BTRC: variants seen among roughly 807,000 people sequenced by gnomAD.
The protein encoded by BTRC is beta-transducin repeat containing E3 ubiquitin protein ligase.
A neutral mutation model predicts 85.5 loss-of-function variants in BTRC; 42 were observed. The ratio of observed to expected loss-of-function variants is 0.49; its 90% CI spans 0.38 to 0.64. The LOEUF (loss-of-function observed/expected upper bound fraction) is 0.64, where lower values mean the gene tolerates loss of function less well. BTRC is among the 30% of genes least tolerant of loss of function. The pLI, the probability that BTRC is intolerant of heterozygous loss-of-function variation, is 0.00. For synonymous variants in BTRC, 255 were observed against 263.3 expected (o/e 0.97, Z 0.30); for missense variants, 594 against 743.5 (o/e 0.80, Z 2.34).
At chr10:101,525,830 A>G (rs2062182987) in intron 5 of BTRC, among the ~76,000 whole-genome samples, 183 bp from the exon 6 acceptor site, 1 of 152,156 alleles carries the variant, frequency 6.6e-6, no homozygotes, top group Non-Finnish European at 1.5e-5. Flanking sequence ...CTGTAACCTT[A>G]TGGAAAAATT....
At chr10:101,378,497 T>C (rs915876931) in intron 1 of BTRC, among the ~76,000 whole-genome samples, 1 of 151,580 alleles carries the variant, frequency 6.6e-6, no homozygotes, top group African/African-American at 2.4e-5. Flanking sequence ...AGTTCTCAGT[T>C]AGGAAATAGG....
intron 1 of BTRC, among the ~76,000 whole-genome samples, chr10:101,373,835 A>G (rs1200861424): frequency 6.6e-6 from 1 of 151,728 alleles, no homozygotes; most frequent in Admixed American, 6.6e-5. Flanking sequence ...GGAGAATGGC[A>G]TGAACCAGGG....
chr10:101,391,811 ATAAG>A (rs899342159), intron 1 of BTRC, among the ~76,000 whole-genome samples: 28 of 152,322 alleles, frequency 1.8e-4, no homozygotes, highest in African/African-American at 6.7e-4. Context: ...ATAAATATAA[ATAAG>A]TAAATATATA....
chr10:101,467,038 A>C (rs547058880), intron 3 of BTRC, among the ~76,000 whole-genome samples: 2 of 152,212 alleles, frequency 1.3e-5, no homozygotes, highest in Non-Finnish European at 2.9e-5. Context: ...GTGTATTAAC[A>C]AAACAACCAC....
At chr10:101,507,876 C>G (rs1008167190) in intron 4 of BTRC, among the ~76,000 whole-genome samples, 2 of 151,976 alleles carry the variant, frequency 1.3e-5, no homozygotes, top group African/African-American at 4.8e-5. Flanking sequence ...TCCAAAAATC[C>G]TTTTAAGGTG....
Position 101,382,009 on chromosome 10 carries a change from G to A in BTRC, c.48+27781G>A, listed in dbSNP as rs1230910778. Among the ~76,000 whole-genome samples, 5 of 85,516 alleles carry A rather than the reference G, an allele frequency of 5.8e-5. No homozygotes were observed. The Admixed American group carries it at 7.6e-4, about 13-fold the overall frequency. 56.1% of individuals were successfully genotyped at this position (85,516 alleles called of 152,430 possible). A position where few individuals can be genotyped will look rare whatever the true frequency, so the allele number is the denominator to read the frequency against. ...TTTTTTTTTTTTTTTTTGAGATGGC[G>A]TCTTGCTCTGTTGCCTAGGCTGGAG... is the stretch of plus-strand genomic sequence containing the variant. On this transcript the variant is annotated intron_variant, in intron 1 of 14. Transcript: ENST00000370187.
intron 2 of BTRC, among the ~76,000 whole-genome samples, chr10:101,433,924 A>G (rs1030781065): frequency 3.3e-5 from 5 of 152,112 alleles, no homozygotes; most frequent in Non-Finnish European, 5.9e-5. Context: ...GCTTATATCT[A>G]TTGATATTCA....
At chr10:101,544,357 A>G (rs1195425172) in intron 13 of BTRC, among the ~76,000 whole-genome samples, 2 of 151,268 alleles carry the variant, frequency 1.3e-5, no homozygotes, top group Non-Finnish European at 2.9e-5. Flanking sequence ...CATTTCATGT[A>G]TGCAGGTACA....
intron 1 of BTRC, among the ~76,000 whole-genome samples, chr10:101,380,703 A>G (rs116791178): frequency 0.013 from 1,976 of 152,294 alleles, 33 homozygotes; most frequent in African/African-American, 0.042. Context: ...TGAAACCACT[A>G]TTGGCATAGT....
At chr10:101,491,905 G>A (rs950939001) in intron 4 of BTRC, among the ~76,000 whole-genome samples, 1 of 152,014 alleles carries the variant, frequency 6.6e-6, no homozygotes, top group African/African-American at 2.4e-5. Context: ...TTTTTTTAAA[G>A]CAAATGAAAA....
At chr10:101,382,422 G>A (rs1005201317) in intron 1 of BTRC, among the ~76,000 whole-genome samples, 5 of 152,068 alleles carry the variant, frequency 3.3e-5, no homozygotes, top group African/African-American at 9.7e-5. Flanking sequence ...TGAAGAGTTT[G>A]AGGTAGTTTT....
At chr10:101,486,615 T>G (rs1945996162) in intron 4 of BTRC, among the ~76,000 whole-genome samples, 1 of 152,050 alleles carries the variant, frequency 6.6e-6, no homozygotes, top group South Asian at 2.1e-4. Flanking sequence ...ATTTCTTTAT[T>G]TAAAAGGCAT....
At chr10:101,389,115 G>GGTTTT (rs1943160776) in intron 1 of BTRC, among the ~76,000 whole-genome samples, 1 of 35,462 alleles carries the variant, frequency 2.8e-5, no homozygotes, top group African/African-American at 1.4e-4. Flanking sequence ...GATTTTTTGT[G>GGTTTT]TGTGTTTTTT....
intron 5 of BTRC, among the ~76,000 whole-genome samples, chr10:101,522,433 T>TTTTTTTTTTTTTTTTTC: frequency 8.4e-6 from 1 of 118,460 alleles, no homozygotes. Flanking sequence ...TTTTTTTTTT[T>TTTTTTTTTTTTTTTTTC]TTTTGAGACA....
At chr10:101,460,976 C>T (rs773524221) in intron 2 of BTRC, among the ~76,000 whole-genome samples, 2 of 150,326 alleles carry the variant, frequency 1.3e-5, no homozygotes, top group African/African-American at 2.5e-5. Flanking sequence ...GATCTCGGCT[C>T]ACTGCAACCT....
intron 1 of BTRC, among the ~76,000 whole-genome samples, chr10:101,427,967 AT>A (rs1267037119): frequency 1.3e-5 from 2 of 152,346 alleles, no homozygotes; most frequent in East Asian, 3.9e-4. Context: ...AAGAAGTAAT[AT>A]GAGTAGAATG....
At chr10:101,478,019 G>T (rs1945734905) in intron 3 of BTRC, among the ~76,000 whole-genome samples, 1 of 152,060 alleles carries the variant, frequency 6.6e-6, no homozygotes, top group Non-Finnish European at 1.5e-5. Flanking sequence ...GTCTAGATAG[G>T]CCCAGTGAGG....
In BTRC at chr10:101,387,920, C is replaced by A. The variant is rs1943127746; in HGVS notation, c.48+33692C>A. On this transcript the variant is annotated intron_variant, in intron 1 of 14. Coordinates refer to ENST00000370187, the MANE Select transcript of BTRC (RefSeq NM_033637.4). ...GGTCAGGCTGGTCTTGAACTCCTGACCTCAGGTGATCTGCCTGCCTCGGCC... is the reference window on the plus strand; with the variant it reads ...GGTCAGGCTGGTCTTGAACTCCTGAACTCAGGTGATCTGCCTGCCTCGGCC... Among the ~76,000 whole-genome samples, 3 of 152,066 alleles carry A rather than the reference C, an allele frequency of 2.0e-5. No homozygotes were observed. In the South Asian group the frequency reaches 6.2e-4, roughly 32 times the overall value.
intron 4 of BTRC, among the ~76,000 whole-genome samples, chr10:101,501,109 C>G (rs2134290795): frequency 6.6e-6 from 1 of 152,068 alleles, no homozygotes; most frequent in East Asian, 1.9e-4. Flanking sequence ...GGCAGAATTG[C>G]CTGAACCTGC....
Sources: allele counts gnomAD v4.1 joint callset (sites outside exome capture counted in the v4.1 genomes callset), GRCh38; gene constraint gnomAD v4.1.1; transcripts MANE v1.5; gene names NCBI Gene and HGNC (gene_info 2026-07-23, HGNC 2026-07-21).